The following NUP210L variants were observed in gnomAD, a reference collection of about 807,000 sequenced individuals.
NUP210L encodes the protein nuclear pore membrane glycoprotein 210-like.
In NUP210L, 74 loss-of-function variants were observed where a neutral mutation model predicts 208.5. The ratio of observed to expected loss-of-function variants is 0.35; its 90% CI spans 0.29 to 0.43. The LOEUF is 0.43. NUP210L is among the 20% of genes least tolerant of loss of function. The pLI is 1.00. For missense variants in NUP210L, 1,843 were observed against 2,289.4 expected, an observed-to-expected ratio of 0.81 and a Z score of 3.98; for synonymous variants, 780 against 816.9, an observed-to-expected ratio of 0.95 and a Z score of 0.77.
intron 35 of NUP210L, among the ~76,000 whole-genome samples, chr1:154,004,725 C>A (rs1227599982): frequency 6.6e-6 from 1 of 152,076 alleles, no homozygotes; most frequent in African/African-American, 2.4e-5. Flanking sequence ...CGGCTCACTG[C>A]AGCCTTGAAC....
Position 154,054,843 on chromosome 1 carries a change from A to G in NUP210L, c.3241-11T>C, listed in dbSNP as rs1443134826. 4 of 1,599,192 alleles carry G rather than the reference A, an allele frequency of 2.5e-6. No homozygotes were observed. The East Asian group carries it at 8.9e-5, about 36-fold the overall frequency. On this transcript the variant is annotated splice_polypyrimidine_tract_variant and intron_variant, in intron 23 of 39. Coordinates refer to ENST00000368559, the Ensembl canonical transcript of NUP210L. Reference sequence around the variant, plus strand: ...GAATGGAGGAAACACCTTGAAGGAGAAAACCAAAAGGACAACAGTAACTAA... The same window carrying G: ...GAATGGAGGAAACACCTTGAAGGAGGAAACCAAAAGGACAACAGTAACTAA...
intron 27 of NUP210L, 121 bp from the exon 28 acceptor site, chr1:154,030,175 T>C: frequency 1.6e-6 from 1 of 623,308 alleles, no homozygotes; most frequent in South Asian, 3.3e-5. Flanking sequence ...CAGGAAAGGG[T>C]GGGAGGGGGC....
exon 15 of NUP210L, chr1:154,095,033 T>C (rs779500532): frequency 1.2e-6 from 2 of 1,614,146 alleles, no homozygotes; most frequent in Admixed American, 1.7e-5. Context: ...TTCTCTGTCT[T>C]CTCCGCATTC....
chr1:154,055,173 T>C (rs1159629928), intron 23 of NUP210L, among the ~76,000 whole-genome samples: 21 of 124,284 alleles, frequency 1.7e-4, no homozygotes, highest in African/African-American at 5.8e-4. Flanking sequence ...CTTTCTTTCT[T>C]TCTTTCTTTC....
intron 23 of NUP210L, among the ~76,000 whole-genome samples, chr1:154,055,143 C>CTTTCTT (rs1553228909): frequency 8.6e-5 from 9 of 104,310 alleles, no homozygotes; most frequent in African/African-American, 3.7e-4. Context: ...TTCTTTCTTT[C>CTTTCTT]TTTCTTTCTT....
At chr1:154,152,090 C>CAAAA (rs745735321) in intron 2 of NUP210L, among the ~76,000 whole-genome samples, 3 of 103,880 alleles carry the variant, frequency 2.9e-5, no homozygotes, top group Non-Finnish European at 3.9e-5. Flanking sequence ...AACTCCGTCT[C>CAAAA]AAAAAAAAAA....
At chr1:154,067,694 C>A (rs561861080) in intron 17 of NUP210L, among the ~76,000 whole-genome samples, 3 of 152,144 alleles carry the variant, frequency 2.0e-5, no homozygotes, top group Non-Finnish European at 4.4e-5. Flanking sequence ...ATTTAGAAAA[C>A]CCCATCATCT....
At chr1:154,093,381 T>C (rs1164856550) in intron 15 of NUP210L, among the ~76,000 whole-genome samples, 1 of 152,060 alleles carries the variant, frequency 6.6e-6, no homozygotes, top group Non-Finnish European at 1.5e-5. Flanking sequence ...TGAGCCAAGA[T>C]TGTGCCATTG....
intron 27 of NUP210L, among the ~76,000 whole-genome samples, chr1:154,045,683 G>C (rs952390416): frequency 2.0e-5 from 3 of 152,076 alleles, no homozygotes; most frequent in Admixed American, 6.6e-5. Flanking sequence ...TGAGTAATCA[G>C]TCTAAAACTT....
intron 15 of NUP210L, among the ~76,000 whole-genome samples, chr1:154,094,488 A>C (rs1268344261): frequency 6.6e-6 from 1 of 152,170 alleles, no homozygotes; most frequent in African/African-American, 2.4e-5. Context: ...ATTAAAAATA[A>C]TTCAACTGAT....
intron 16 of NUP210L, 147 bp from the exon 17 acceptor site, chr1:154,070,612 A>G (rs2148012290): frequency 9.5e-6 from 5 of 528,722 alleles, no homozygotes; most frequent in East Asian, 6.2e-5. Context: ...AAAGAACAAT[A>G]TAATAAATAC....
chr1:154,010,188 T>TA, intron 34 of NUP210L, 67 bp from the exon 35 acceptor site: 2 of 1,448,544 alleles, frequency 1.4e-6, no homozygotes, highest in Non-Finnish European at 1.9e-6. Context: ...GAGACCATTA[T>TA]ATGGAGGCAA....
exon 31 of NUP210L, chr1:154,023,293 G>A (rs760496398): frequency 1.2e-6 from 2 of 1,606,428 alleles, no homozygotes; most frequent in South Asian, 1.1e-5. Context: ...TGTCACCGGT[G>A]CTACCTGTGG....
chr1:154,009,803 A>G lies in NUP210L; in HGVS notation c.4930+169T>C, dbSNP rs1571162444. On this transcript the variant is annotated intron_variant, in intron 35 of 39. Coordinates refer to ENST00000368559, the Ensembl canonical transcript of NUP210L. ...GCAAGACCCAGTCTCAAAAAAAAAA[A>G]AAAAAAGAAAAAAGAGTTGAACGGG... 4.6e-5 allele frequency among the ~76,000 whole-genome samples: 7 copies of G among 151,684 alleles called. No individual in the cohort carries two copies. The South Asian group carries it at 1.2e-3, about 27-fold the overall frequency.
intron 22 of NUP210L, among the ~76,000 whole-genome samples, chr1:154,057,747 G>A (rs1488505294): frequency 7.2e-6 from 1 of 138,118 alleles, no homozygotes; most frequent in Non-Finnish European, 1.6e-5. Flanking sequence ...TATTTTAAGA[G>A]ATGTAGGCCG....
intron 32 of NUP210L, among the ~76,000 whole-genome samples, chr1:154,019,648 C>T (rs1473119058): frequency 6.6e-6 from 1 of 152,054 alleles, no homozygotes; most frequent in African/African-American, 2.4e-5. Flanking sequence ...AAAAATAGGC[C>T]GGGCACGGTG....
chr1:154,127,634 T>C lies in NUP210L; in HGVS notation c.1079-217A>G, dbSNP rs146818912. On this transcript the variant is annotated intron_variant, in intron 8 of 39. Transcript: ENST00000368559. ...GTGATGATTTCGGCTCACTGCAACC[T>C]CTGCCTCCTGGGTTCAACTGATTCT... Among the ~76,000 whole-genome samples, 15 of 146,130 alleles carry C rather than the reference T, an allele frequency of 1.0e-4. No homozygotes were observed. In the East Asian group the frequency reaches 3.1e-3, roughly 30 times the overall value.
intron 33 of NUP210L, among the ~76,000 whole-genome samples, chr1:154,016,854 T>C (rs1651274055): frequency 6.6e-6 from 1 of 151,996 alleles, no homozygotes. Context: ...TAGTCCCAGC[T>C]ACTAGGGAGG....
At chr1:154,130,995 C>T (rs761025146) in intron 7 of NUP210L, among the ~76,000 whole-genome samples, 16 of 151,812 alleles carry the variant, frequency 1.1e-4, no homozygotes, top group Non-Finnish European at 2.1e-4. Context: ...GGCCGGGCGT[C>T]GTGAATCACG....
Sources: allele counts gnomAD v4.1 joint callset (sites outside exome capture counted in the v4.1 genomes callset), GRCh38; gene constraint gnomAD v4.1.1; transcripts MANE v1.5; gene names NCBI Gene and HGNC (gene_info 2026-07-23, HGNC 2026-07-21).